PRRC2B: variants seen among roughly 807,000 people sequenced by gnomAD.
PRRC2B encodes proline rich coiled-coil 2B.
PRRC2B carries 68 observed loss-of-function variants against 242.3 expected under a neutral mutation model. The ratio of observed to expected loss-of-function variants is 0.28; its 90% CI spans 0.23 to 0.34. The LOEUF (loss-of-function observed/expected upper bound fraction) is 0.34. Ranked by LOEUF, PRRC2B falls within the 10% of genes least tolerant of loss-of-function variation. The probability of loss-of-function intolerance (pLI) is 1.00; values close to 1 mark genes in which losing one functional copy is unlikely to be tolerated. For synonymous variants in PRRC2B, 1,228 were observed against 1,173.6 expected (o/e 1.05, Z -0.95); for missense variants, 2,835 against 2,954.8 (o/e 0.96, Z 0.94).
intron 4 of PRRC2B, 110 bp downstream of exon 4, chr9:131,436,832 C>A (rs1204488736): frequency 3.6e-6 from 3 of 826,116 alleles, no homozygotes; most frequent in Admixed American, 4.8e-5. Flanking sequence ...TTGTGCATGA[C>A]CTGTCTATTC....
chr9:131,466,215 T>G (rs1258598804), intron 12 of PRRC2B, among the ~76,000 whole-genome samples: 2 of 152,256 alleles, frequency 1.3e-5, no homozygotes, highest in Non-Finnish European at 2.9e-5. Context: ...CTAGTGCCCT[T>G]CTGGCCAGGG....
chr9:131,445,452 C>T (rs925957472), intron 6 of PRRC2B, among the ~76,000 whole-genome samples: 5 of 152,228 alleles, frequency 3.3e-5, no homozygotes, highest in African/African-American at 1.2e-4. Flanking sequence ...AGCCACCGCG[C>T]CCAGCCTGTT....
At chr9:131,440,020 T>C (rs1838509289) in intron 5 of PRRC2B, among the ~76,000 whole-genome samples, 2 of 152,094 alleles carry the variant, frequency 1.3e-5, no homozygotes, top group African/African-American at 4.8e-5. Flanking sequence ...TAGCTGGGGC[T>C]GGGATCACAG....
intron 1 of PRRC2B, among the ~76,000 whole-genome samples, 187 bp from the exon 2 acceptor site, chr9:131,429,907 T>C (rs1009727599): frequency 1.3e-5 from 2 of 151,908 alleles, no homozygotes; most frequent in African/African-American, 4.8e-5. Flanking sequence ...GCCCTGTAAA[T>C]GTGAATGAAC....
intron 11 of PRRC2B, among the ~76,000 whole-genome samples, chr9:131,463,342 T>C (rs1269348212): frequency 6.6e-6 from 1 of 152,212 alleles, no homozygotes; most frequent in Non-Finnish European, 1.5e-5. Context: ...ATAACTCACC[T>C]ACAAGAAAAG....
chr9:131,436,074 G>A (rs1838358953), intron 3 of PRRC2B, among the ~76,000 whole-genome samples: 1 of 152,212 alleles, frequency 6.6e-6, no homozygotes, highest in South Asian at 2.1e-4. Flanking sequence ...CTGGGTCTGG[G>A]GTAAGGGGCA....
intron 9 of PRRC2B, among the ~76,000 whole-genome samples, chr9:131,449,556 G>A (rs1040501793): frequency 2.0e-5 from 3 of 152,130 alleles, no homozygotes; most frequent in African/African-American, 7.2e-5. Flanking sequence ...ACACTTTTAT[G>A]TGCTATTTGA....
At chr9:131,473,749 C>G in intron 15 of PRRC2B, 25 bp downstream of exon 15, 1 of 1,586,822 alleles carries the variant, frequency 6.3e-7, no homozygotes, top group Non-Finnish European at 8.6e-7. Flanking sequence ...GGTCCTGCTG[C>G]CTTGCCACTG....
Position 131,475,876 on chromosome 9 carries a change from A to C in PRRC2B, c.3747A>C (p.Arg1249=), listed in dbSNP as rs1371897675. Residue 1249 remains arginine (R), a synonymous_variant, in exon 16 of 32, where the codon CGA becomes CGC. Transcript: ENST00000683519. ...CTTCCGACACATGCGGATCCCGGCG[A>C]CCTACAGACAGAGACTATGTCCCAG... is the stretch of plus-strand genomic sequence containing the variant. ...YGPSDTCGSR[R]PTDRDYVPDS... 1.2e-6 allele frequency: 2 copies of C among 1,613,582 alleles called. No individual in the cohort carries two copies. The highest frequency in any genetic ancestry group is 1.7e-6 in the Non-Finnish European group (2 of 1,179,784).
At chr9:131,381,639 T>A (rs1297515929) in intron 1 of PRRC2B, among the ~76,000 whole-genome samples, 5 of 152,272 alleles carry the variant, frequency 3.3e-5, no homozygotes, top group Middle Eastern at 3.4e-3. Flanking sequence ...CAGGATGGTC[T>A]TGATCTCCTG....
At chr9:131,473,951 C>G (rs1336098457) in intron 15 of PRRC2B, among the ~76,000 whole-genome samples, 1 of 152,124 alleles carries the variant, frequency 6.6e-6, no homozygotes, top group Non-Finnish European at 1.5e-5. Flanking sequence ...AAGGAGAAGT[C>G]CCGGGGTCCT....
At chr9:131,479,145 A>G in intron 18 of PRRC2B, 107 bp from the exon 19 acceptor site, 1 of 1,149,944 alleles carries the variant, frequency 8.7e-7, no homozygotes, top group Non-Finnish European at 1.3e-6. Flanking sequence ...ACATCTCTGG[A>G]GCATTTTCAG....
chr9:131,433,547 C>T (rs1208779080), intron 3 of PRRC2B, among the ~76,000 whole-genome samples: 2 of 152,220 alleles, frequency 1.3e-5, no homozygotes, highest in African/African-American at 4.8e-5. Flanking sequence ...AGTGCTAAGA[C>T]AATTCAGGGA....
chr9:131,439,770 C>T (rs1024435237), intron 5 of PRRC2B, among the ~76,000 whole-genome samples: 7 of 152,180 alleles, frequency 4.6e-5, no homozygotes, highest in Non-Finnish European at 8.8e-5. Context: ...GGGTACAGAT[C>T]GAGTGCCAGC....
At chr9:131,465,927 G>T (rs1943383919) in intron 12 of PRRC2B, among the ~76,000 whole-genome samples, 1 of 152,156 alleles carries the variant, frequency 6.6e-6, no homozygotes, top group African/African-American at 2.4e-5. Context: ...GTTTCGCCAT[G>T]TTGGCCAGGC....
intron 1 of PRRC2B, among the ~76,000 whole-genome samples, chr9:131,402,214 C>T (rs1224202899): frequency 1.3e-5 from 2 of 152,166 alleles, no homozygotes; most frequent in Non-Finnish European, 2.9e-5. Context: ...CCTCGGCTTC[C>T]CAGAGTGCTG....
chr9:131,482,695 T>C lies in PRRC2B; in HGVS notation c.5176-15T>C. 6.4e-7 allele frequency: 1 copy of C among 1,551,618 alleles called. No individual in the cohort carries two copies. The highest frequency in any genetic ancestry group is 8.7e-7 in the Non-Finnish European group (1 of 1,150,692). The stretch of plus-strand genomic sequence containing the variant: ...TCCAGTCTGTGTGTCTCCACCTCTC[T>C]GCTTTTTTATCAAGGATTCAGAACA... On this transcript the variant is annotated splice_polypyrimidine_tract_variant and intron_variant, in intron 21 of 31. Transcript: ENST00000683519. The surrounding 1 kb of genome is among the most constrained non-coding windows in gnomAD (Gnocchi z 5.2).
intron 14 of PRRC2B, among the ~76,000 whole-genome samples, chr9:131,471,521 A>C (rs1456075327): frequency 6.6e-6 from 1 of 152,220 alleles, no homozygotes; most frequent in East Asian, 1.9e-4. Context: ...GGTCTGTGTG[A>C]TACAGACCAG....
At chr9:131,444,396 C>T in intron 6 of PRRC2B, 68 bp downstream of exon 6, 1 of 1,536,874 alleles carries the variant, frequency 6.5e-7, no homozygotes, top group Non-Finnish European at 8.8e-7. Flanking sequence ...TCTCTGCACT[C>T]CTAAAAGGGT....
Sources: gnomAD v4.1 joint callset for allele counts (sites outside exome capture counted in the v4.1 genomes callset) on GRCh38, gnomAD v4.1.1 for gene constraint, Gnocchi (gnomAD v3.1) non-coding constraint, MANE v1.5 for transcripts, NCBI Gene and HGNC (gene_info 2026-07-23, HGNC 2026-07-21) for gene names.